The following L3MBTL4 variants were observed in gnomAD, a reference collection of about 807,000 sequenced individuals.
L3MBTL4 encodes the protein lethal(3)malignant brain tumor-like protein 4.
In L3MBTL4, 70 loss-of-function variants were observed where a neutral mutation model predicts 84.5. The observed-to-expected ratio is 0.83, with a 90% CI of 0.68 to 1.01. The LOEUF is 1.01. L3MBTL4 is among the 50% of genes least tolerant of loss of function. L3MBTL4 has a pLI of 0.00. For synonymous variants in L3MBTL4, 274 were observed against 259.8 expected, an observed-to-expected ratio of 1.05 and a Z score of -0.52; for missense variants, 715 against 754.8, an observed-to-expected ratio of 0.95 and a Z score of 0.62.
At chr18:6,094,399 G>A (rs2058562511) in intron 14 of L3MBTL4, among the ~76,000 whole-genome samples, 1 of 152,154 alleles carries the variant, frequency 6.6e-6, no homozygotes, top group Non-Finnish European at 1.5e-5. Context: ...CCAGTGAAAT[G>A]AGCAAAGGAG....
At chr18:6,126,957 G>A (rs965641725) in intron 14 of L3MBTL4, among the ~76,000 whole-genome samples, 2 of 152,180 alleles carry the variant, frequency 1.3e-5, no homozygotes, top group African/African-American at 4.8e-5. Flanking sequence ...GACAGACCAA[G>A]TGACAAAGGA....
chr18:6,051,553 G>T (rs993638039), intron 16 of L3MBTL4, among the ~76,000 whole-genome samples: 5 of 151,918 alleles, frequency 3.3e-5, no homozygotes, highest in Non-Finnish European at 7.4e-5. Flanking sequence ...AAAAAAAAAG[G>T]AAGAAACGAA....
intron 16 of L3MBTL4, among the ~76,000 whole-genome samples, chr18:6,045,091 G>C (rs536351937): frequency 6.6e-6 from 1 of 152,254 alleles, no homozygotes; most frequent in South Asian, 2.1e-4. Context: ...AACAATAGTG[G>C]CTTTGCAGTT....
chr18:6,387,715 G>A (rs1476825756), intron 1 of L3MBTL4, among the ~76,000 whole-genome samples: 1 of 152,218 alleles, frequency 6.6e-6, no homozygotes, highest in Non-Finnish European at 1.5e-5. Context: ...ATGTGTAAGA[G>A]CAGCCAAGAA....
At chr18:6,141,499 T>C (rs1282796874) in intron 13 of L3MBTL4, among the ~76,000 whole-genome samples, 1 of 152,186 alleles carries the variant, frequency 6.6e-6, no homozygotes, top group Non-Finnish European at 1.5e-5. Flanking sequence ...AGACTGAACC[T>C]ATCGTCTTGT....
At chr18:5,980,879 T>C (rs1228683459) in intron 16 of L3MBTL4, among the ~76,000 whole-genome samples, 1 of 152,178 alleles carries the variant, frequency 6.6e-6, no homozygotes, top group African/African-American at 2.4e-5. Context: ...ACAGGATGAG[T>C]TGCTCCTCAA....
intron 3 of L3MBTL4, among the ~76,000 whole-genome samples, chr18:6,304,032 A>AC (rs1179625958): frequency 2.0e-5 from 3 of 149,078 alleles, no homozygotes. Context: ...AAAAAAAACA[A>AC]AAAAAAAAGA....
chr18:6,064,054 C>T (rs2057322954), intron 16 of L3MBTL4, among the ~76,000 whole-genome samples: 1 of 152,024 alleles, frequency 6.6e-6, no homozygotes, highest in South Asian at 2.1e-4. Context: ...GATGGGGATC[C>T]AGTTTCATTC....
chr18:6,078,600 C>T (rs1019989993), intron 16 of L3MBTL4, among the ~76,000 whole-genome samples: 6 of 152,090 alleles, frequency 3.9e-5, no homozygotes, highest in African/African-American at 1.2e-4. Flanking sequence ...CACGTTAGAA[C>T]GAAAGCAAAT....
At chr18:6,402,743 G>A (rs1736610714) in intron 1 of L3MBTL4, among the ~76,000 whole-genome samples, 2 of 152,124 alleles carry the variant, frequency 1.3e-5, no homozygotes, top group African/African-American at 4.8e-5. Flanking sequence ...TTTCAAGGCG[G>A]AAGTTTTAGA....
chr18:6,265,514 A>G (rs2048591003), intron 4 of L3MBTL4, among the ~76,000 whole-genome samples: 1 of 152,218 alleles, frequency 6.6e-6, no homozygotes, highest in Non-Finnish European at 1.5e-5. Context: ...AAACTATTGT[A>G]TATACATACA....
At chr18:6,302,264 C>T (rs1599551543) in intron 3 of L3MBTL4, among the ~76,000 whole-genome samples, 1 of 152,292 alleles carries the variant, frequency 6.6e-6, no homozygotes, top group South Asian at 2.1e-4. Context: ...GCCTGACAGT[C>T]GCACAGGAGT....
At chr18:6,097,531 C>T (rs772679623) in intron 14 of L3MBTL4, among the ~76,000 whole-genome samples, 6 of 152,272 alleles carry the variant, frequency 3.9e-5, no homozygotes, top group South Asian at 2.1e-4. Context: ...CTTCTTTCCA[C>T]GGCAGGGGTA....
At chr18:6,210,766 C>A (rs1333987025) in intron 12 of L3MBTL4, among the ~76,000 whole-genome samples, 1 of 152,180 alleles carries the variant, frequency 6.6e-6, no homozygotes, top group Non-Finnish European at 1.5e-5. Flanking sequence ...TGTTAACATT[C>A]CCCATGTAAT....
At chr18:6,362,824 C>A (rs1376243518) in intron 1 of L3MBTL4, among the ~76,000 whole-genome samples, 2 of 152,152 alleles carry the variant, frequency 1.3e-5, no homozygotes, top group Non-Finnish European at 2.9e-5. Flanking sequence ...AAAACAAATG[C>A]AAGTTTTTAT....
At chr18:6,362,188 G>T (rs1186804982) in intron 1 of L3MBTL4, among the ~76,000 whole-genome samples, 1 of 102,702 alleles carries the variant, frequency 9.7e-6, no homozygotes, top group East Asian at 3.2e-4. Context: ...AGGAAGGAAG[G>T]AAGGAAGGGA....
chr18:5,998,463 T>C (rs2054075502), intron 16 of L3MBTL4, among the ~76,000 whole-genome samples: 1 of 152,110 alleles, frequency 6.6e-6, no homozygotes, highest in Non-Finnish European at 1.5e-5. Flanking sequence ...GGAGGGGCCC[T>C]TCAGGAAGGC....
intron 4 of L3MBTL4, among the ~76,000 whole-genome samples, chr18:6,283,610 T>C (rs1273605133): frequency 6.6e-6 from 1 of 152,156 alleles, no homozygotes; most frequent in Non-Finnish European, 1.5e-5. Flanking sequence ...TAAAAATGAA[T>C]AAATTCCCTA....
intron 13 of L3MBTL4, among the ~76,000 whole-genome samples, chr18:6,147,489 C>CA (rs138084930): frequency 0.016 from 2,344 of 150,812 alleles, 57 homozygotes; most frequent in African/African-American, 0.053. Flanking sequence ...AATGAAAATG[C>CA]AAAAAAAAGA....
Sources: allele counts gnomAD v4.1 joint callset (sites outside exome capture counted in the v4.1 genomes callset), GRCh38; gene constraint gnomAD v4.1.1; transcripts MANE v1.5; gene names NCBI Gene and HGNC (gene_info 2026-07-23, HGNC 2026-07-21).